The following UGT2B11 variants were observed in gnomAD, a reference collection of about 807,000 sequenced individuals.
UGT2B11 encodes UDP glucuronosyltransferase family 2 member B11.
Under a neutral mutation model 51.7 loss-of-function variants are expected in UGT2B11, and 49 were observed. The ratio of observed to expected loss-of-function variants is 0.95; its 90% confidence interval spans 0.75 to 1.20. The LOEUF (loss-of-function observed/expected upper bound fraction) is 1.20, where lower values mean the gene tolerates loss of function less well. UGT2B11 is among the 50% of genes most tolerant of loss of function. The pLI, the probability that UGT2B11 is intolerant of heterozygous loss-of-function variation, is 0.00. For missense variants in UGT2B11, 810 were observed against 622.1 expected (o/e 1.30, Z -3.21); for synonymous variants, 273 against 209.0 (o/e 1.31, Z -2.64).
chr4:69,208,301 T>G (rs373741636), intron 3 of UGT2B11, 50 bp downstream of exon 3: 5 of 1,604,238 alleles, frequency 3.1e-6, no homozygotes, highest in Non-Finnish European at 4.3e-6. Context: ...TCACAAACAT[T>G]AACAGCCTCT....
At chr4:69,202,664 G>A (rs1721704231) in intron 5 of UGT2B11, among the ~76,000 whole-genome samples, 1 of 151,660 alleles carries the variant, frequency 6.6e-6, no homozygotes, top group Non-Finnish European at 1.5e-5. Flanking sequence ...TTCTTCAAAT[G>A]TTTTATGTCC....
intron 2 of UGT2B11, among the ~76,000 whole-genome samples, chr4:69,209,804 A>C (rs895804276): frequency 3.1e-4 from 47 of 151,632 alleles, no homozygotes; most frequent in African/African-American, 1.1e-3. Context: ...TTTTTCTACT[A>C]GGTGTTGAAG....
chr4:69,213,140 C>A (rs1722138172), intron 1 of UGT2B11, among the ~76,000 whole-genome samples: 1 of 149,016 alleles, frequency 6.7e-6, no homozygotes, highest in African/African-American at 2.5e-5. Context: ...ACTCATTAAG[C>A]TAATCCTTTT....
In UGT2B11 at chr4:69,214,441, A is replaced by T; in HGVS notation, c.282T>A (p.Val94=). ...CTTTTCGAATGTCTGACCATCTCTTAACCTGTTGCATGATGATATTCTCAA... is the reference window on the plus strand; with the variant it reads ...CTTTTCGAATGTCTGACCATCTCTTTACCTGTTGCATGATGATATTCTCAA... ...TEFENIIMQQ[V]KRWSDIRKDS... Residue 94 remains valine, a synonymous_variant, in exon 1 of 6, where the codon GTT becomes GTA. Transcript: ENST00000446444. 1 of 1,613,270 alleles carries T rather than the reference A, an allele frequency of 6.2e-7. No homozygotes were observed. Among genetic ancestry groups the T allele is most frequent in the Non-Finnish European group, 8.5e-7 (1 of 1,179,518 alleles).
At chr4:69,208,251 T>C in intron 3 of UGT2B11, 100 bp downstream of exon 3, 1 of 1,571,144 alleles carries the variant, frequency 6.4e-7, no homozygotes, top group Non-Finnish European at 8.6e-7. Context: ...TATTTGGATG[T>C]AAAGAGTTCA....
At chr4:69,205,409 A>G (rs180792019) in intron 4 of UGT2B11, 71 bp downstream of exon 4, 37 of 1,551,278 alleles carry the variant, frequency 2.4e-5, no homozygotes, top group Non-Finnish European at 3.3e-5. Context: ...CAAATATTCA[A>G]TAAGCATGTT....
chr4:69,222,919 G>A, the UGT2B11 span, among the ~76,000 whole-genome samples: 2 of 152,268 alleles, frequency 1.3e-5, no homozygotes, highest in African/African-American at 4.8e-5. Context: ...GCTGGATGGA[G>A]GAGAGTCAGT....
At chr4:69,222,430 T>C in the UGT2B11 span, among the ~76,000 whole-genome samples, 1 of 152,128 alleles carries the variant, frequency 6.6e-6, no homozygotes, top group Non-Finnish European at 1.5e-5. Context: ...CCTCAACCCA[T>C]CTAAAATGCA....
At chr4:69,202,764 T>G (rs777850358) in intron 5 of UGT2B11, among the ~76,000 whole-genome samples, 56 of 151,890 alleles carry the variant, frequency 3.7e-4, no homozygotes, top group Non-Finnish European at 7.2e-4. Context: ...CATTGTTTTA[T>G]GTTTCTTTTC....
At position 69,200,084 on chromosome 4, in the gene UGT2B11, T is replaced by C. The variant is rs1294292026; in HGVS notation, c.*356A>G. 5.7e-6 allele frequency: 1 copy of C among 176,422 alleles called. No homozygotes were observed. Among genetic ancestry groups the C allele is most frequent in the Non-Finnish European group, 1.2e-5 (1 of 84,676 alleles). 10.9% of individuals were successfully genotyped at this position (176,422 alleles called of 1,614,324 possible). ...ACTTCTTAATGTTCTTGTGTTTATG[T>C]AAAATGTGTGAAATATAGTTAAGCT... is the stretch of plus-strand genomic sequence containing the variant. On this transcript the variant is annotated 3_prime_UTR_variant, in exon 6 of 6. Coordinates refer to ENST00000446444, the MANE Select transcript of UGT2B11 (RefSeq NM_001073.3).
chr4:69,205,299 A>T (rs1385741359), intron 4 of UGT2B11, among the ~76,000 whole-genome samples, 181 bp downstream of exon 4: 1 of 151,788 alleles, frequency 6.6e-6, no homozygotes, highest in African/African-American at 2.4e-5. Flanking sequence ...GACCATAAAG[A>T]ATGTGATTAT....
At chr4:69,215,023 G>C, upstream of UGT2B11, 1 of 302,756 alleles carries the variant, frequency 3.3e-6, no homozygotes, top group Non-Finnish European at 6.0e-6. Context: ...TGGCAAGTGA[G>C]AGAGTCCTGC....
At chr4:69,209,219 G>A (rs567186788) in intron 2 of UGT2B11, among the ~76,000 whole-genome samples, 6 of 151,626 alleles carry the variant, frequency 4.0e-5, no homozygotes, top group Admixed American at 2.0e-4. Context: ...TTGAATAATT[G>A]TACCTTTTGG....
chr4:69,204,653 G>T lies in UGT2B11; in HGVS notation c.1091-4C>A. The T allele has an allele frequency of 1.2e-6, 2 of 1,611,242 alleles. No individual in the cohort carries two copies. Among genetic ancestry groups the T allele is most frequent in the South Asian group, 1.1e-5 (1 of 90,982 alleles). On this transcript the variant is annotated splice_polypyrimidine_tract_variant and splice_region_variant and intron_variant, in intron 4 of 5. Coordinates refer to ENST00000446444, the MANE Select transcript of UGT2B11 (RefSeq NM_001073.3). Reference sequence around the variant, plus strand: ...AAAGCTCTGGTTTTTGGATGACCTAGGATTGGATGAATTTTAGCAAAATTA... The same window carrying T: ...AAAGCTCTGGTTTTTGGATGACCTATGATTGGATGAATTTTAGCAAAATTA...
At chr4:69,218,993 T>C (rs1284693962), upstream of UGT2B11, among the ~76,000 whole-genome samples, 2 of 152,102 alleles carry the variant, frequency 1.3e-5, no homozygotes, top group Non-Finnish European at 2.9e-5. Context: ...TTGACTCACC[T>C]TTCCCTAGAA....
chr4:69,220,233 C>T, the UGT2B11 span, among the ~76,000 whole-genome samples: 2 of 139,510 alleles, frequency 1.4e-5, no homozygotes, highest in Non-Finnish European at 3.1e-5. Context: ...CTGATATAAG[C>T]GGTGGGATTC....
intron 2 of UGT2B11, among the ~76,000 whole-genome samples, chr4:69,212,135 AT>A (rs1169978997): frequency 6.6e-6 from 1 of 151,442 alleles, no homozygotes; most frequent in Non-Finnish European, 1.5e-5. Flanking sequence ...TTTCCTTGAG[AT>A]AATAGTTTTT....
At chr4:69,202,176 G>A (rs1346135416) in intron 5 of UGT2B11, among the ~76,000 whole-genome samples, 2 of 151,656 alleles carry the variant, frequency 1.3e-5, no homozygotes, top group Non-Finnish European at 3.0e-5. Context: ...TTCATTTTAT[G>A]ATGAATAGAT....
upstream of UGT2B11, among the ~76,000 whole-genome samples, chr4:69,219,740 A>C (rs978415623): frequency 2.6e-5 from 4 of 152,188 alleles, no homozygotes; most frequent in Non-Finnish European, 5.9e-5. Flanking sequence ...TGGGAATAGC[A>C]TGGGAAAAAT....
Sources: allele counts gnomAD v4.1 joint callset (sites outside exome capture counted in the v4.1 genomes callset), GRCh38; gene constraint gnomAD v4.1.1; transcripts MANE v1.5; gene names NCBI Gene and HGNC (gene_info 2026-07-23, HGNC 2026-07-21).